KANK1: variants seen among roughly 807,000 people sequenced by gnomAD.
KANK1 encodes the protein KN motif and ankyrin repeat domains 1.
A neutral mutation model predicts 106.2 loss-of-function variants in KANK1; 109 were observed. The observed-to-expected ratio is 1.03, with a 90% CI of 0.88 to 1.20. The LOEUF (loss-of-function observed/expected upper bound fraction) is 1.20. KANK1 is among the 50% of genes most tolerant of loss of function. The pLI, the probability that KANK1 is intolerant of heterozygous loss-of-function variation, is 0.00. For synonymous variants in KANK1, 873 were observed against 652.2 expected, an observed-to-expected ratio of 1.34 and a Z score of -5.16; for missense variants, 2,399 against 1,710.7, an observed-to-expected ratio of 1.40 and a Z score of -7.10.
Position 742,399 on chromosome 9 carries a change from G to T in KANK1, c.3891G>T (p.Glu1297Asp). ...LAQPGCNGHL[E>D]DNDGSTALSI... Reference sequence around the variant, plus strand: ...AGCCCGGCTGCAACGGTCACCTAGAGGACAACGTAAGCTGTCTCCATTGGG... The same window carrying T: ...AGCCCGGCTGCAACGGTCACCTAGATGACAACGTAAGCTGTCTCCATTGGG... Residue 1297 changes from glutamate to aspartate, a missense_variant, in exon 10 of 12, where the codon GAG (glutamate) becomes GAT (aspartate). Transcript: ENST00000382297. 6.2e-7 allele frequency: 1 copy of T among 1,612,448 alleles called. No individual in the cohort carries two copies. Among genetic ancestry groups the T allele is most frequent in the Non-Finnish European group, 8.5e-7 (1 of 1,179,200 alleles).
chr9:706,137 C>T (rs2130657610), intron 2 of KANK1, among the ~76,000 whole-genome samples: 1 of 152,216 alleles, frequency 6.6e-6, no homozygotes, highest in South Asian at 2.1e-4. Flanking sequence ...GTGAAAATGA[C>T]ACCTTGAAAA....
At chr9:733,864 A>ATACTT (rs1832968755) in intron 6 of KANK1, 1 of 152,242 alleles carries the variant, frequency 6.6e-6, no homozygotes, top group Admixed American at 6.5e-5. Context: ...CATAATGCCA[A>ATACTT]TACTTTGGGA....
chr9:661,345 G>C (rs899441447), intron 1 of KANK1, among the ~76,000 whole-genome samples: 2 of 151,116 alleles, frequency 1.3e-5, no homozygotes, highest in Non-Finnish European at 2.9e-5. Context: ...TCATTGTTCA[G>C]TTCCCACCTA....
chr9:543,770 A>T (rs56094237), intron 1 of KANK1, among the ~76,000 whole-genome samples: 7,097 of 152,198 alleles, frequency 0.047, 224 homozygotes, highest in South Asian at 0.084. Flanking sequence ...TAATTGATTT[A>T]AAAAAGTAGT....
At chr9:647,999 C>CTT (rs59053892) in intron 1 of KANK1, among the ~76,000 whole-genome samples, 1,777 of 118,294 alleles carry the variant, frequency 0.015, 87 homozygotes, top group African/African-American at 0.035. Flanking sequence ...GGGTTGTTAT[C>CTT]TTTTTTTTTT....
At chr9:627,362 C>G (rs1048057184) in intron 1 of KANK1, among the ~76,000 whole-genome samples, 3 of 141,562 alleles carry the variant, frequency 2.1e-5, no homozygotes, top group Non-Finnish European at 4.4e-5. Context: ...ATTTCTCACT[C>G]CTAGCCACAG....
chr9:727,014 A>G (rs747179104), intron 3 of KANK1, among the ~76,000 whole-genome samples: 5 of 152,322 alleles, frequency 3.3e-5, no homozygotes, highest in Non-Finnish European at 7.4e-5. Context: ...TCTCCGTATT[A>G]TTGTATGACC....
chr9:676,881 T>C lies in KANK1; in HGVS notation c.-83-9T>C, dbSNP rs1359286234. ...ATCCATTTTGATGGGGCTCTCTTTA[T>C]TGTTTCAGGTTGAATGCCTTTGAGA... On this transcript the variant is annotated splice_polypyrimidine_tract_variant and intron_variant, in intron 1 of 11. Transcript: ENST00000382297. 4.2e-6 allele frequency: 4 copies of C among 947,960 alleles called. No homozygotes were observed. Among genetic ancestry groups the C allele is most frequent in the Non-Finnish European group, 6.7e-6 (4 of 593,572 alleles). 58.7% of individuals were successfully genotyped at this position (947,960 alleles called of 1,614,324 possible). A position where few individuals can be genotyped will look rare whatever the true frequency, so the allele number is the denominator to read the frequency against.
chr9:744,766 A>C (rs1836760364), intron 11 of KANK1, 177 bp downstream of exon 11: 8 of 1,497,042 alleles, frequency 5.3e-6, no homozygotes, highest in Non-Finnish European at 7.1e-6. Flanking sequence ...CAGGAGAACT[A>C]ATGTTTTAGC....
At chr9:723,626 G>A (rs1197506880) in intron 3 of KANK1, among the ~76,000 whole-genome samples, 1 of 150,970 alleles carries the variant, frequency 6.6e-6, no homozygotes, top group African/African-American at 2.4e-5. Context: ...GACCCTGTCT[G>A]TAATTCATTC....
intron 2 of KANK1, among the ~76,000 whole-genome samples, chr9:702,893 A>G (rs1278513609): frequency 6.6e-6 from 1 of 152,160 alleles, no homozygotes; most frequent in Admixed American, 6.6e-5. Flanking sequence ...CCTTGTCTTC[A>G]GAACTCATCT....
At chr9:588,912 C>T (rs1824171901) in intron 1 of KANK1, among the ~76,000 whole-genome samples, 1 of 151,950 alleles carries the variant, frequency 6.6e-6, no homozygotes, top group Non-Finnish European at 1.5e-5. Context: ...TCCAGAAGTC[C>T]CTGCTTATAT....
chr9:626,404 G>A (rs113072978), intron 1 of KANK1, among the ~76,000 whole-genome samples: 5,567 of 152,138 alleles, frequency 0.037, 332 homozygotes, highest in African/African-American at 0.13. Context: ...GCAGTGAGCC[G>A]GGTGACAGAG....
intron 2 of KANK1, among the ~76,000 whole-genome samples, chr9:678,742 C>T (rs1001615777): frequency 2.0e-5 from 3 of 151,916 alleles, no homozygotes; most frequent in Non-Finnish European, 4.4e-5. Flanking sequence ...TAAAATAAAT[C>T]AGAATTATGA....
chr9:709,608 G>GGCT, intron 2 of KANK1, among the ~76,000 whole-genome samples: 1 of 130,124 alleles, frequency 7.7e-6, no homozygotes, highest in African/African-American at 3.2e-5. Flanking sequence ...ATGCTTTCAT[G>GGCT]TCTTTTTTTT....
Position 738,500 on chromosome 9 carries a change from T to C in KANK1, c.3549T>C (p.Asp1183=). Reference sequence around the variant, plus strand: ...TCGAGATTGTGAAGCTGCTGTTAGATGCCGGTATGTTGGCTGCCCTTCCAC... The same window carrying C: ...TCGAGATTGTGAAGCTGCTGTTAGACGCCGGTATGTTGGCTGCCCTTCCAC... ...SNFEIVKLLL[D]ADVCNVDHQN... The change falls in exon 8 of 12, where the codon GAT becomes GAC. Residue 1183 remains aspartate, a synonymous_variant. Coordinates refer to ENST00000382297, the MANE Select transcript of KANK1 (RefSeq NM_015158.5). The C allele has an allele frequency of 6.2e-7, 1 of 1,613,112 alleles. No homozygotes were observed. Among genetic ancestry groups the C allele is most frequent in the Non-Finnish European group, 8.5e-7 (1 of 1,179,032 alleles).
chr9:742,696 G>C (rs907314500), intron 10 of KANK1, among the ~76,000 whole-genome samples: 1 of 152,190 alleles, frequency 6.6e-6, no homozygotes, highest in Non-Finnish European at 1.5e-5. Context: ...CTCTACTAAA[G>C]GGAAATCAAT....
At chr9:732,677 G>C (rs1832650614) in intron 6 of KANK1, 60 bp downstream of exon 6, 1 of 1,574,736 alleles carries the variant, frequency 6.4e-7, no homozygotes, top group Non-Finnish European at 8.7e-7. Context: ...TTTGGCAATA[G>C]AGTTGGCCAG....
chr9:524,372 T>TG (rs111599530), intron 1 of KANK1, among the ~76,000 whole-genome samples: 70,982 of 151,290 alleles, frequency 0.47, 19,360 homozygotes, highest in African/African-American at 0.74. Flanking sequence ...TTGGAGTGTA[T>TG]GTGTATAAGA....
Sources: allele counts gnomAD v4.1 joint callset (sites outside exome capture counted in the v4.1 genomes callset), GRCh38; gene constraint gnomAD v4.1.1; transcripts MANE v1.5; gene names NCBI Gene and HGNC (gene_info 2026-07-23, HGNC 2026-07-21).